RPS6KA1: variants seen among roughly 807,000 people sequenced by gnomAD.
The protein encoded by RPS6KA1 is ribosomal protein S6 kinase alpha-1.
A neutral mutation model predicts 91.3 loss-of-function variants in RPS6KA1; 48 were observed. The ratio of observed to expected loss-of-function variants is 0.53; its 90% confidence interval spans 0.42 to 0.67. The LOEUF is 0.67. Among genes scored for constraint, RPS6KA1 ranks in the 30% least tolerant of loss-of-function variants. The pLI is 0.00. For missense variants in RPS6KA1, 719 were observed against 960.5 expected, an observed-to-expected ratio of 0.75 and a Z score of 3.32; for synonymous variants, 359 against 384.7, an observed-to-expected ratio of 0.93 and a Z score of 0.78.
In RPS6KA1 at chr1:26,572,427, C is replaced by G. The variant is rs149992729; in HGVS notation, c.1947+134C>G. The G allele has an allele frequency of 8.3e-4, 544 of 654,878 alleles. 2 individuals carry two copies. In the African/African-American group the frequency reaches 8.6e-3, roughly 10 times the overall value. 40.6% of individuals were successfully genotyped at this position (654,878 alleles called of 1,614,324 possible). A position where few individuals can be genotyped will look rare whatever the true frequency, so the allele number is the denominator to read the frequency against. On this transcript the variant is annotated intron_variant, in intron 20 of 21. Transcript: ENST00000374168. ...ACAAATCCCTGTTGCTGTATTTCTC[C>G]AAGCGGAAGATTCCCAGGCAGACCA...
rs1557503199 is a variant in RPS6KA1, at chr1:26,554,752, CAG to C, written c.756+15_756+16del. The C allele has an allele frequency of 2.5e-6, 4 of 1,590,970 alleles. No individual in the cohort carries two copies. Among genetic ancestry groups the C allele is most frequent in the Admixed American group, 1.7e-5 (1 of 58,842 alleles). On this transcript the variant is annotated intron_variant, in intron 9 of 21. Transcript: ENST00000374168. This position sits in a 1 kb window ranked among gnomAD's most constrained non-coding sequence, Gnocchi z 4.6. ...GGGGTGTTGATGGTGAGTGCCCAGA[CAG>C]GGGTAAAGGATCCAGCCCAAGCCTC...
intron 1 of RPS6KA1, among the ~76,000 whole-genome samples, chr1:26,533,350 C>T (rs1046583652): frequency 1.3e-5 from 2 of 152,082 alleles, no homozygotes; most frequent in Non-Finnish European, 2.9e-5. Flanking sequence ...TTGGCCTCAG[C>T]CTCCCAAAGT....
rs1484699125 is a variant in RPS6KA1 at position 26,546,057 on chromosome 1, G to A, written c.109-810G>A. 5 of 1,609,074 alleles carry A rather than the reference G, an allele frequency of 3.1e-6. No individual in the cohort carries two copies. In the African/African-American group the frequency reaches 4.0e-5, roughly 13 times the overall value. The stretch of plus-strand genomic sequence containing the variant: ...CTCGGTGAGTGTGCCCGAATGTCTG[G>A]TCCTGACCTGGCTGTGTCCCTTGCA... On this transcript the variant is annotated intron_variant, in intron 2 of 21. Coordinates refer to ENST00000374168, the MANE Select transcript of RPS6KA1 (RefSeq NM_002953.4).
rs1412131880 is a variant in RPS6KA1, at chr1:26,554,274, C to G, written c.613+23C>G. ...CTGGTGAGTGGAGGGCGCCTGCCCCCTCGGGACCCAGGGGAGGACAGGACA... is the reference window on the plus strand; with the variant it reads ...CTGGTGAGTGGAGGGCGCCTGCCCCGTCGGGACCCAGGGGAGGACAGGACA... On this transcript the variant is annotated intron_variant, in intron 8 of 21. Transcript: ENST00000374168. The surrounding 1 kb of genome is among the most constrained non-coding windows in gnomAD (Gnocchi z 4.6). 1.3e-6 allele frequency: 2 copies of G among 1,555,792 alleles called. No individual in the cohort carries two copies. Among genetic ancestry groups the G allele is most frequent in the Non-Finnish European group, 1.7e-6 (2 of 1,149,178 alleles).
At chr1:26,535,272 A>T (rs2075897909) in intron 1 of RPS6KA1, among the ~76,000 whole-genome samples, 1 of 151,850 alleles carries the variant, frequency 6.6e-6, no homozygotes, top group Non-Finnish European at 1.5e-5. Context: ...AAAGGGGCTC[A>T]GGGGGCAGGA....
intron 14 of RPS6KA1, 131 bp downstream of exon 14, chr1:26,559,068 A>G: frequency 9.0e-7 from 1 of 1,106,394 alleles, no homozygotes; most frequent in Non-Finnish European, 1.3e-6. Context: ...TCCAACATAA[A>G]ACAGGGACAG....
intron 1 of RPS6KA1, chr1:26,530,871 T>A (rs1372892355): frequency 7.8e-7 from 1 of 1,283,928 alleles, no homozygotes; most frequent in Admixed American, 2.3e-5. Context: ...GTGGAAAACT[T>A]CCTCCTTAAC....
At chr1:26,541,177 C>T (rs1304581319) in intron 2 of RPS6KA1, among the ~76,000 whole-genome samples, 4 of 151,410 alleles carry the variant, frequency 2.6e-5, no homozygotes, top group South Asian at 2.1e-4. Context: ...GTGGGAGGAT[C>T]GCTTGAGCCC....
intron 14 of RPS6KA1, among the ~76,000 whole-genome samples, chr1:26,559,811 G>A (rs894398084): frequency 6.6e-6 from 1 of 152,140 alleles, no homozygotes; most frequent in African/African-American, 2.4e-5. Flanking sequence ...GTTCATGTGG[G>A]CTGGGCACGG....
Position 26,571,755 on chromosome 1 carries a change from C to T in RPS6KA1, c.1753-94C>T. 2.0e-6 allele frequency: 3 copies of T among 1,488,078 alleles called. No individual in the cohort carries two copies. Among genetic ancestry groups the T allele is most frequent in the Admixed American group, 1.9e-5 (1 of 51,800 alleles). The allele number at this position is 1,488,078 out of a possible 1,614,324, so 92.2% of individuals were successfully genotyped here. On this transcript the variant is annotated intron_variant, in intron 18 of 21. Coordinates refer to ENST00000374168, the MANE Select transcript of RPS6KA1 (RefSeq NM_002953.4). This position sits in a 1 kb window ranked among gnomAD's most constrained non-coding sequence, Gnocchi z 5.1. ...GGGAAGATCTAGCCTGTGCCTGGGACCCTTGTCCTGCCCTTGAGGGGAGTA... is the reference window on the plus strand; with the variant it reads ...GGGAAGATCTAGCCTGTGCCTGGGATCCTTGTCCTGCCCTTGAGGGGAGTA...
At position 26,551,871 on chromosome 1, in the gene RPS6KA1, AC is replaced by A; in HGVS notation, c.468+150del. ...CCTAGCAGCCCCTGGCCCAGGAAAT[AC>A]CACGCACCCTGGAATGGAGGCCATA... On this transcript the variant is annotated intron_variant, in intron 6 of 21. Coordinates refer to ENST00000374168, the MANE Select transcript of RPS6KA1 (RefSeq NM_002953.4). This position sits in a 1 kb window ranked among gnomAD's most constrained non-coding sequence, Gnocchi z 4.5. 1 of 684,842 alleles carries A rather than the reference AC, an allele frequency of 1.5e-6. No homozygotes were observed. The highest frequency in any genetic ancestry group is 2.7e-5 in the East Asian group (1 of 36,902). The allele number at this position is 684,842 out of a possible 1,614,324, so 42.4% of individuals were successfully genotyped here.
chr1:26,540,918 G>A lies in RPS6KA1; in HGVS notation c.108+3949G>A, dbSNP rs1195390603. On this transcript the variant is annotated intron_variant, in intron 2 of 21. Coordinates refer to ENST00000374168, the MANE Select transcript of RPS6KA1 (RefSeq NM_002953.4). The surrounding 1 kb of genome is among the most constrained non-coding windows in gnomAD (Gnocchi z 4.2). ...CGATTCTCCTGCCTCAGCCTCCGTAGTAGCTGGGATTGCAGGCATATGCCA... is the reference window on the plus strand; with the variant it reads ...CGATTCTCCTGCCTCAGCCTCCGTAATAGCTGGGATTGCAGGCATATGCCA... Among the ~76,000 whole-genome samples, 1 of 152,180 alleles carries A rather than the reference G, an allele frequency of 6.6e-6. No individual in the cohort carries two copies. Among genetic ancestry groups the A allele is most frequent in the Non-Finnish European group, 1.5e-5 (1 of 68,042 alleles).
At chr1:26,556,055 C>A (rs1213196535) in intron 11 of RPS6KA1, 6 of 229,120 alleles carry the variant, frequency 2.6e-5, no homozygotes, top group Non-Finnish European at 5.3e-5. Context: ...AGGCAGGTGA[C>A]TTCACCTCTC....
Position 26,571,488 on chromosome 1 carries a change from G to A in RPS6KA1, c.1630G>A (p.Val544Met). ...RDLKPSNILY[V>M]DESGNPECLR... is the part of the protein sequence containing the mutation. ...CCTGAAGCCCAGCAACATCCTGTAT[G>A]TGGACGAGTCCGGGAATCCCGAGTG... is the stretch of plus-strand genomic sequence containing the variant. Residue 544 changes from valine (V) to methionine (M), a missense_variant, in exon 18 of 22, where the codon GTG (valine) becomes ATG (methionine). Physicochemically the swap from Val to Met is conservative, Grantham distance 21 (BLOSUM62 1). Coordinates refer to ENST00000374168, the MANE Select transcript of RPS6KA1 (RefSeq NM_002953.4). The surrounding 1 kb of genome is among the most constrained non-coding windows in gnomAD (Gnocchi z 5.1). The A allele has an allele frequency of 1.2e-6, 2 of 1,614,220 alleles. No homozygotes were observed. The highest frequency in any genetic ancestry group is 1.7e-6 in the Non-Finnish European group (2 of 1,180,034).
intron 1 of RPS6KA1, among the ~76,000 whole-genome samples, chr1:26,534,329 G>T (rs907181609): frequency 6.6e-6 from 1 of 152,202 alleles, no homozygotes; most frequent in African/African-American, 2.4e-5. Flanking sequence ...AGATGTTGAT[G>T]ATGGACAAGC....
intron 17 of RPS6KA1, among the ~76,000 whole-genome samples, chr1:26,565,456 C>T (rs1377281904): frequency 6.6e-6 from 1 of 152,148 alleles, no homozygotes; most frequent in Non-Finnish European, 1.5e-5. Context: ...CAAAGCATTT[C>T]CAGTTCTCCT....
chr1:26,556,941 C>T, intron 12 of RPS6KA1, 57 bp from the exon 13 acceptor site: 1 of 1,368,106 alleles, frequency 7.3e-7, no homozygotes, highest in Non-Finnish European at 1.0e-6. Flanking sequence ...CTGCATGGGG[C>T]TCCTGGTGGG....
intron 12 of RPS6KA1, 93 bp downstream of exon 12, chr1:26,556,811 G>T: frequency 6.8e-7 from 1 of 1,465,250 alleles, no homozygotes; most frequent in South Asian, 1.1e-5. Flanking sequence ...GCCAGCGAGG[G>T]CCCCAGACGC....
intron 2 of RPS6KA1, among the ~76,000 whole-genome samples, chr1:26,538,817 CTCATCCA>C (rs1193147730): frequency 6.6e-6 from 1 of 152,162 alleles, no homozygotes; most frequent in Admixed American, 6.5e-5. Context: ...TGGGCACCTG[CTCATCCA>C]TCTGTTGTCC....
Sources: allele counts gnomAD v4.1 joint callset (sites outside exome capture counted in the v4.1 genomes callset), GRCh38; gene constraint gnomAD v4.1.1; non-coding constraint Gnocchi (gnomAD v3.1); transcripts MANE v1.5; gene names NCBI Gene and HGNC (gene_info 2026-07-23, HGNC 2026-07-21).